The following SLC5A1 variants were observed in gnomAD, a reference collection of about 807,000 sequenced individuals.
The protein encoded by SLC5A1 is sodium/glucose cotransporter 1.
SLC5A1 carries 42 observed loss-of-function variants against 73.5 expected under a neutral mutation model. The ratio of observed to expected loss-of-function variants is 0.57; its 90% CI spans 0.45 to 0.74. SLC5A1 has a LOEUF of 0.74. Among genes scored for constraint, SLC5A1 ranks in the 30% least tolerant of loss-of-function variants. SLC5A1 has a pLI of 0.00. For synonymous variants in SLC5A1, 300 were observed against 317.4 expected (o/e 0.95, Z 0.58); for missense variants, 634 against 855.4 (o/e 0.74, Z 3.23).
chr22:32,054,177 A>C (rs2093948615), intron 2 of SLC5A1, among the ~76,000 whole-genome samples: 1 of 152,194 alleles, frequency 6.6e-6, no homozygotes, highest in Admixed American at 6.6e-5. Flanking sequence ...CATCTAAAAA[A>C]AAATAAAATA....
At chr22:32,048,548 A>G (rs1453101423) in intron 1 of SLC5A1, among the ~76,000 whole-genome samples, 1 of 152,198 alleles carries the variant, frequency 6.6e-6, no homozygotes, top group Non-Finnish European at 1.5e-5. Context: ...CAAATGCCTC[A>G]GCCAGGCTCA....
In SLC5A1 at chr22:32,110,037, G is replaced by T; in HGVS notation, c.1819G>T (p.Asp607Tyr). Residue 607 changes from aspartate (D) to tyrosine (Y), a missense_variant, in exon 15 of 15, where the codon GAC becomes TAC. Physicochemically the swap from Asp to Tyr is radical, Grantham distance 160 (BLOSUM62 -3). This residue lies in a region of SLC5A1 where 161 missense variants were observed against 178.7 expected (regional missense o/e 0.90). Coordinates refer to ENST00000266088, the MANE Select transcript of SLC5A1 (RefSeq NM_000343.4). ...KKKGIFRRAY[D>Y]LFCGLEQHGA... Reference sequence around the variant, plus strand: ...AAAAGGAATCTTCAGGAGAGCCTATGACCTATTTTGTGGGCTAGAGCAGCA... The same window carrying T: ...AAAAGGAATCTTCAGGAGAGCCTATTACCTATTTTGTGGGCTAGAGCAGCA... 1 of 1,614,140 alleles carries T rather than the reference G, an allele frequency of 6.2e-7. No individual in the cohort carries two copies. Among genetic ancestry groups the T allele is most frequent in the Non-Finnish European group, 8.5e-7 (1 of 1,180,006 alleles).
Position 32,099,095 on chromosome 22 carries a change from AAAAAAAAAAAATATATATAT to A in SLC5A1, c.1281-86_1281-67del, listed in dbSNP as rs1283156919. The A allele has an allele frequency of 4.3e-4, 67 of 154,900 alleles. 2 individuals are homozygous for A. Among genetic ancestry groups the A allele is most frequent in the African/African-American group, 3.8e-3 (63 of 16,386 alleles). The allele number at this position is 154,900 out of a possible 1,614,324, so 9.6% of individuals were successfully genotyped here. ...GCAAGACTCTGTCTCAAAAAAAAAA[AAAAAAAAAAAATATATATAT>A]ATATATATATATATATACTCATGTA... On this transcript the variant is annotated intron_variant, in intron 11 of 14. Coordinates refer to ENST00000266088, the MANE Select transcript of SLC5A1 (RefSeq NM_000343.4).
In SLC5A1 at chr22:32,094,413, C is replaced by T. The variant is rs180865336; in HGVS notation, c.1280+2651C>T. Among the ~76,000 whole-genome samples, 630 of 152,134 alleles carry T rather than the reference C, an allele frequency of 4.1e-3. 2 individuals are homozygous for T. The highest frequency in any genetic ancestry group is 7.6e-3 in the Non-Finnish European group (513 of 67,940). ...TCTTGTGGAATAGTGTCAATAGGAT[C>T]GGTACCAATTCTTCTTTGAATGTCT... On this transcript the variant is annotated intron_variant, in intron 11 of 14. Transcript: ENST00000266088.
At chr22:32,091,296 C>T (rs1375560127) in intron 10 of SLC5A1, among the ~76,000 whole-genome samples, 1 of 105,940 alleles carries the variant, frequency 9.4e-6, no homozygotes, top group Non-Finnish European at 1.9e-5. Flanking sequence ...CACACATACA[C>T]AAACACACAC....
At chr22:32,089,679 C>CT (rs1450940653) in intron 10 of SLC5A1, among the ~76,000 whole-genome samples, 1 of 152,154 alleles carries the variant, frequency 6.6e-6, no homozygotes, top group Non-Finnish European at 1.5e-5. Flanking sequence ...TCAGAACTGT[C>CT]TGAGGGCAGG....
At chr22:32,094,568 G>C (rs1187956247) in intron 11 of SLC5A1, among the ~76,000 whole-genome samples, 1 of 152,110 alleles carries the variant, frequency 6.6e-6, no homozygotes, top group Non-Finnish European at 1.5e-5. Flanking sequence ...TTTAAGCTAG[G>C]AGGGTTGTAT....
chr22:32,070,309 C>T (rs1161903344), intron 5 of SLC5A1, among the ~76,000 whole-genome samples: 1 of 134,074 alleles, frequency 7.5e-6, no homozygotes, highest in Non-Finnish European at 1.6e-5. Context: ...CTTCTTCTTC[C>T]TTCTTCCTTC....
Position 32,056,228 on chromosome 22 carries a change from G to A in SLC5A1, c.207+6214G>A, listed in dbSNP as rs557434709. ...TAGAGGTGAGGTCTCGCTATGTTGCGCAGCCTGGTCTCGAACTCCCGAGCT... is the reference window on the plus strand; with the variant it reads ...TAGAGGTGAGGTCTCGCTATGTTGCACAGCCTGGTCTCGAACTCCCGAGCT... On this transcript the variant is annotated intron_variant, in intron 2 of 14. Coordinates refer to ENST00000266088, the MANE Select transcript of SLC5A1 (RefSeq NM_000343.4). 2.6e-5 allele frequency among the ~76,000 whole-genome samples: 4 copies of A among 152,100 alleles called. No individual in the cohort carries two copies. The East Asian group carries it at 5.8e-4, about 22-fold the overall frequency.
In SLC5A1 at chr22:32,072,499, T is replaced by G. The variant is rs371503173; in HGVS notation, c.477+3899T>G. ...TAGGTTGATTTCATATCTTTACTACTGTGAATAACGCTCAGCAGTATTTTA... is the reference window on the plus strand; with the variant it reads ...TAGGTTGATTTCATATCTTTACTACGGTGAATAACGCTCAGCAGTATTTTA... On this transcript the variant is annotated intron_variant, in intron 5 of 14. Transcript: ENST00000266088. Among the ~76,000 whole-genome samples, 5 of 152,222 alleles carry G rather than the reference T, an allele frequency of 3.3e-5. No homozygotes were observed. The East Asian group carries it at 9.6e-4, about 29-fold the overall frequency.
At chr22:32,059,322 G>A in intron 2 of SLC5A1, 2 of 985,662 alleles carry the variant, frequency 2.0e-6, no homozygotes, top group Middle Eastern at 5.2e-4. Flanking sequence ...CGCACCAGGA[G>A]AGGGGAACAG....
chr22:32,051,904 T>C lies in SLC5A1; in HGVS notation c.207+1890T>C, dbSNP rs537862689. The stretch of plus-strand genomic sequence containing the variant: ...ATGTGGCTGACTTTATTTGCAAAAA[T>C]AGGTGGAGGGCCAGATTTCTTGTTT... On this transcript the variant is annotated intron_variant, in intron 2 of 14. Transcript: ENST00000266088. 3.5e-3 allele frequency among the ~76,000 whole-genome samples: 536 copies of C among 152,280 alleles called. 7 individuals carry two copies. The highest frequency in any genetic ancestry group is 0.013 in the African/African-American group (522 of 41,548).
At chr22:32,082,595 T>G (rs1230069928) in intron 6 of SLC5A1, among the ~76,000 whole-genome samples, 2 of 151,938 alleles carry the variant, frequency 1.3e-5, no homozygotes, top group Non-Finnish European at 2.9e-5. Flanking sequence ...CAATTGGGGC[T>G]CCTTTGCAGA....
chr22:32,059,888 C>T (rs1400694415), intron 2 of SLC5A1, among the ~76,000 whole-genome samples: 1 of 151,846 alleles, frequency 6.6e-6, no homozygotes, highest in African/African-American at 2.4e-5. Flanking sequence ...TTGATTCTAC[C>T]AAGCCTTCCA....
rs755938978 is a variant in SLC5A1 at position 32,099,166 on chromosome 22, G to C, written c.1281-17G>C. 1.3e-6 allele frequency: 2 copies of C among 1,578,118 alleles called. No individual in the cohort carries two copies. Among genetic ancestry groups the C allele is most frequent in the Non-Finnish European group, 8.6e-7 (1 of 1,158,126 alleles). ...GAGCTATTTATTGACACCTTGTTGTGGGGGCTTTAATTTCAGGTTGTTTAT... is the reference window on the plus strand; with the variant it reads ...GAGCTATTTATTGACACCTTGTTGTCGGGGCTTTAATTTCAGGTTGTTTAT... On this transcript the variant is annotated splice_polypyrimidine_tract_variant and intron_variant, in intron 11 of 14. Coordinates refer to ENST00000266088, the MANE Select transcript of SLC5A1 (RefSeq NM_000343.4).
At chr22:32,105,289 ATTTTTTTTT>A (rs750353760) in intron 14 of SLC5A1, among the ~76,000 whole-genome samples, 2 of 128,232 alleles carry the variant, frequency 1.6e-5, no homozygotes, top group Admixed American at 1.5e-4. Flanking sequence ...TGCACTCTTA[ATTTTTTTTT>A]TTTTTTTTTT....
In SLC5A1 at chr22:32,061,374, C is replaced by T. The variant is rs62240654; in HGVS notation, c.208-5561C>T. Among the ~76,000 whole-genome samples, 1,107 of 151,664 alleles carry T rather than the reference C, an allele frequency of 7.3e-3. 9 individuals are homozygous for T. Among genetic ancestry groups the T allele is most frequent in the Non-Finnish European group, 0.01 (710 of 67,922 alleles). On this transcript the variant is annotated intron_variant, in intron 2 of 14. Coordinates refer to ENST00000266088, the MANE Select transcript of SLC5A1 (RefSeq NM_000343.4). The stretch of plus-strand genomic sequence containing the variant: ...AGGTTGCAGTGAGCTGAGATCATGT[C>T]ACTGCACTCTAGCCTGGGTGACAGA...
chr22:32,050,404 G>C (rs2093943681), intron 2 of SLC5A1, among the ~76,000 whole-genome samples: 2 of 152,304 alleles, frequency 1.3e-5, no homozygotes, highest in South Asian at 4.1e-4. Context: ...GTCGCTTTGT[G>C]CCACAGGAAG....
rs1232063531 is a variant in SLC5A1 at position 32,077,235 on chromosome 22, C to T, written c.478-4631C>T. ...CCTTCCTTCTTTCCTTCCTTCCTTC[C>T]CTCCCTCCCTTCCTTCACTCCCTCC... On this transcript the variant is annotated intron_variant, in intron 5 of 14. Coordinates refer to ENST00000266088, the MANE Select transcript of SLC5A1 (RefSeq NM_000343.4). Among the ~76,000 whole-genome samples the T allele has an allele frequency of 2.0e-5, 3 of 150,900 alleles. No individual in the cohort carries two copies. The East Asian group carries it at 5.8e-4, about 29-fold the overall frequency.
Sources: gnomAD v4.1 joint callset for allele counts (sites outside exome capture counted in the v4.1 genomes callset) on GRCh38, gnomAD v4.1.1 for gene constraint, gnomAD v4.1.1 regional missense constraint, MANE v1.5 for transcripts, NCBI Gene and HGNC (gene_info 2026-07-23, HGNC 2026-07-21) for gene names.